Variants in AK8 observed in about 807,000 individuals in gnomAD.
AK8 encodes the protein ATP-AMP transphosphorylase 8.
AK8 carries 44 observed loss-of-function variants against 54.6 expected under a neutral mutation model. The ratio of observed to expected loss-of-function variants is 0.81; its 90% CI spans 0.63 to 1.04. AK8 has a LOEUF of 1.04. AK8 is among the 50% of genes least tolerant of loss of function. AK8 has a pLI of 0.00. For synonymous variants in AK8, 239 were observed against 245.6 expected, an observed-to-expected ratio of 0.97 and a Z score of 0.25; for missense variants, 555 against 613.6, an observed-to-expected ratio of 0.90 and a Z score of 1.01.
chr9:132,847,708 T>C (rs2107437), intron 5 of AK8, among the ~76,000 whole-genome samples: 85,399 of 152,060 alleles, frequency 0.56, 26,638 homozygotes, highest in East Asian at 0.8. Flanking sequence ...GAGCCAGGCA[T>C]GGTGGCTCAT....
chr9:132,866,401 C>T (rs1342962970), intron 3 of AK8, among the ~76,000 whole-genome samples: 9 of 152,114 alleles, frequency 5.9e-5, no homozygotes. Flanking sequence ...ACAAACAAAG[C>T]AAATATGGCA....
intron 9 of AK8, among the ~76,000 whole-genome samples, chr9:132,818,826 C>T (rs1841449548): frequency 3.3e-5 from 5 of 150,894 alleles, no homozygotes; most frequent in Admixed American, 2.0e-4. Context: ...CCAGCCAGGG[C>T]AACAGAGCAA....
At chr9:132,820,027 C>T (rs1375237560) in intron 9 of AK8, among the ~76,000 whole-genome samples, 1 of 151,200 alleles carries the variant, frequency 6.6e-6, no homozygotes, top group East Asian at 2.0e-4. Context: ...TGGTGGCATA[C>T]ACCTGTAGTC....
Position 132,799,184 on chromosome 9 carries a change from C to T in AK8, c.980-6409G>A, listed in dbSNP as rs886756301. 5.9e-5 allele frequency among the ~76,000 whole-genome samples: 9 copies of T among 152,152 alleles called. No individual in the cohort carries two copies. The highest frequency in any genetic ancestry group is 2.6e-4 in the Admixed American group (4 of 15,268). Reference sequence around the variant, plus strand: ...CTGCGCCACGCCGCCGCCTGCTGTCCGCACCGCAGAGCCAGCCCTGCAGGG... The same window carrying T: ...CTGCGCCACGCCGCCGCCTGCTGTCTGCACCGCAGAGCCAGCCCTGCAGGG... On this transcript the variant is annotated intron_variant, in intron 10 of 12. Transcript: ENST00000298545. The surrounding 1 kb of genome is among the most constrained non-coding windows in gnomAD (Gnocchi z 5.0).
rs1005144817 is a variant in AK8, at chr9:132,791,030, T to A, written c.1121+1604A>T. Among the ~76,000 whole-genome samples the A allele has an allele frequency of 1.3e-5, 2 of 152,184 alleles. No homozygotes were observed. Among genetic ancestry groups the A allele is most frequent in the African/African-American group, 4.8e-5 (2 of 41,446 alleles). On this transcript the variant is annotated intron_variant, in intron 11 of 12. Transcript: ENST00000298545. This position sits in a 1 kb window ranked among gnomAD's most constrained non-coding sequence, Gnocchi z 4.0. The stretch of plus-strand genomic sequence containing the variant: ...TTTCACTAGAAGCAAAGACAGAATA[T>A]ATCCATGTCAAACTGTAACGGATTG...
chr9:132,873,428 G>A (rs1454319668), intron 2 of AK8, among the ~76,000 whole-genome samples: 1 of 151,942 alleles, frequency 6.6e-6, no homozygotes, highest in Non-Finnish European at 1.5e-5. Flanking sequence ...CCTGACAGTG[G>A]GGAGGGAGGT....
intron 5 of AK8, among the ~76,000 whole-genome samples, chr9:132,834,154 C>G (rs1303455616): frequency 6.6e-6 from 1 of 152,236 alleles, no homozygotes; most frequent in Non-Finnish European, 1.5e-5. Flanking sequence ...GCAAGCCTCA[C>G]AAGAGGCACT....
chr9:132,769,197 G>A, intron 11 of AK8: 1 of 152,484 alleles, frequency 6.6e-6, no homozygotes, highest in Non-Finnish European at 1.5e-5. Flanking sequence ...GAGCCGTCCT[G>A]CACAGTCCAG....
intron 2 of AK8, among the ~76,000 whole-genome samples, chr9:132,869,794 G>C (rs934040874): frequency 6.6e-6 from 1 of 152,230 alleles, no homozygotes; most frequent in Non-Finnish European, 1.5e-5. Context: ...AGTGCCATGG[G>C]AGGTTTGTGG....
In AK8 at chr9:132,878,003, C is replaced by G; in HGVS notation, c.84+169G>C. The G allele has an allele frequency of 6.6e-7, 1 of 1,506,244 alleles. No individual in the cohort carries two copies. Among genetic ancestry groups the G allele is most frequent in the Non-Finnish European group, 9.0e-7 (1 of 1,113,858 alleles). 93.3% of individuals were successfully genotyped at this position (1,506,244 alleles called of 1,614,324 possible). On this transcript the variant is annotated intron_variant, in intron 1 of 12. Transcript: ENST00000298545. This position sits in a 1 kb window ranked among gnomAD's most constrained non-coding sequence, Gnocchi z 4.7. ...GGCAGGACCAGGAGCGTCCCCAGCT[C>G]GAGGGCCCCCTCGGGGTCACGGCGA...
chr9:132,797,792 G>C (rs1386886464), intron 10 of AK8, among the ~76,000 whole-genome samples: 1 of 152,120 alleles, frequency 6.6e-6, no homozygotes, highest in African/African-American at 2.4e-5. Context: ...AGTGACAAAG[G>C]ACACAATCTC....
At chr9:132,828,917 T>G (rs768719552) in intron 5 of AK8, among the ~76,000 whole-genome samples, 191 bp from the exon 6 acceptor site, 86 of 152,240 alleles carry the variant, frequency 5.6e-4, no homozygotes, top group Non-Finnish European at 8.8e-4. Flanking sequence ...CCGAATCATA[T>G]CTTGGTGATT....
chr9:132,875,486 G>A (rs542420120), intron 1 of AK8, among the ~76,000 whole-genome samples: 1 of 152,282 alleles, frequency 6.6e-6, no homozygotes, highest in African/African-American at 2.4e-5. Context: ...GGGGCCCTTT[G>A]AGCTTCCCAG....
At chr9:132,859,595 C>T (rs1453004083) in intron 4 of AK8, among the ~76,000 whole-genome samples, 1 of 151,604 alleles carries the variant, frequency 6.6e-6, no homozygotes, top group Non-Finnish European at 1.5e-5. Flanking sequence ...TGGCCTTCCC[C>T]CTCTCCCCCT....
intron 11 of AK8, among the ~76,000 whole-genome samples, chr9:132,761,509 A>C (rs1838471247): frequency 6.6e-6 from 1 of 151,798 alleles, no homozygotes; most frequent in South Asian, 2.1e-4. Context: ...GTATCTGCCC[A>C]CCTCAGCTTC....
intron 11 of AK8, among the ~76,000 whole-genome samples, chr9:132,745,814 A>G (rs891369003): frequency 2.0e-5 from 3 of 152,140 alleles, no homozygotes; most frequent in Non-Finnish European, 4.4e-5. Context: ...CCATCCGTAC[A>G]AGGTGGCCAC....
At chr9:132,752,493 C>T (rs965658682) in intron 11 of AK8, among the ~76,000 whole-genome samples, 1 of 152,180 alleles carries the variant, frequency 6.6e-6, no homozygotes. Flanking sequence ...TCGTGATCTG[C>T]CCGCCTCAGC....
intron 11 of AK8, among the ~76,000 whole-genome samples, chr9:132,728,301 T>A (rs1343198047): frequency 1.3e-5 from 2 of 152,192 alleles, no homozygotes; most frequent in African/African-American, 4.8e-5. Flanking sequence ...TCAGCCCCCA[T>A]CACTCCTGGG....
Position 132,759,753 on chromosome 9 carries a change from G to A in AK8, c.1122-32219C>T, listed in dbSNP as rs534794516. On this transcript the variant is annotated intron_variant, in intron 11 of 12. Transcript: ENST00000298545. ...GTCATTATCAAGTGTGAGTGTTTCC[G>A]GGCTCTGTGTTCTGTGTCACTGGTT... Among the ~76,000 whole-genome samples the A allele has an allele frequency of 6.6e-5, 10 of 152,228 alleles. No homozygotes were observed. In the East Asian group the frequency reaches 1.2e-3, roughly 18 times the overall value.
Sources: allele counts gnomAD v4.1 joint callset (sites outside exome capture counted in the v4.1 genomes callset), GRCh38; gene constraint gnomAD v4.1.1; non-coding constraint Gnocchi (gnomAD v3.1); transcripts MANE v1.5; gene names NCBI Gene and HGNC (gene_info 2026-07-23, HGNC 2026-07-21).